Variants in ZNF737 observed in about 807,000 individuals in gnomAD.
The protein encoded by ZNF737 is zinc finger protein 737.
A neutral mutation model predicts 11.7 loss-of-function variants in ZNF737; 13 were observed. The observed-to-expected ratio is 1.11, with a 90% CI of 0.73 to 1.77. The LOEUF (loss-of-function observed/expected upper bound fraction) is 1.77, where lower values mean the gene tolerates loss of function less well. Ranked by LOEUF, ZNF737 falls within the 40% of genes most tolerant of loss-of-function variation. The pLI, the probability that ZNF737 is intolerant of heterozygous loss-of-function variation, is 0.00. For missense variants in ZNF737, 636 were observed against 638.0 expected, an observed-to-expected ratio of 1.00 and a Z score of 0.03; for synonymous variants, 217 against 216.2, an observed-to-expected ratio of 1.00 and a Z score of -0.03.
chr19:20,558,465 A>G (rs1968969769), intron 1 of ZNF737, among the ~76,000 whole-genome samples: 1 of 152,076 alleles, frequency 6.6e-6, no homozygotes, highest in Non-Finnish European at 1.5e-5. Flanking sequence ...GCTAGTCTAG[A>G]CTAAAAGCTT....
chr19:20,530,866 C>T (rs1171646133), downstream of ZNF737, among the ~76,000 whole-genome samples: 5 of 148,308 alleles, frequency 3.4e-5, no homozygotes, highest in East Asian at 8.3e-4. Context: ...CTTTGGGGGG[C>T]CAAGGCAGGC....
At position 20,541,163 on chromosome 19, in the gene ZNF737, A is replaced by G. The variant is rs1173694543; in HGVS notation, c.*3429T>C. On this transcript the variant is annotated 3_prime_UTR_variant, in exon 4 of 4. Coordinates refer to ENST00000427401, the MANE Select transcript of ZNF737 (RefSeq NM_001159293.2). ...CAGAAAGTATAGATTTGCTTTCACC[A>G]TTTTAAAAGTGTTTAGTTTTGTTAA... is the stretch of plus-strand genomic sequence containing the variant. 1 of 982,658 alleles carries G rather than the reference A, an allele frequency of 1.0e-6. No homozygotes were observed. The allele number at this position is 982,658 out of a possible 1,614,324, so 60.9% of individuals were successfully genotyped here.
chr19:20,553,806 T>A lies in ZNF737; in HGVS notation c.33A>T (p.Ile11=), dbSNP rs2144664405. 2.5e-6 allele frequency: 4 copies of A among 1,613,956 alleles called. No homozygotes were observed. In the East Asian group the frequency reaches 8.9e-5, roughly 36 times the overall value. Residue 11 remains isoleucine (I), a synonymous_variant, in exon 2 of 4, where the codon ATA becomes ATT. Coordinates refer to ENST00000427401, the MANE Select transcript of ZNF737 (RefSeq NM_001159293.2). ...AATGCCACTCCTCCAGAGAGAATTC[T>A]ATGGCCACGTCTCTAAATTGCAATG... MGPLQFRDVA[I]EFSLEEWHCL...
intron 1 of ZNF737, 34 bp downstream of exon 1, chr19:20,565,604 C>A (rs530405501): frequency 2.5e-6 from 4 of 1,614,064 alleles, no homozygotes; most frequent in Admixed American, 1.7e-5. Flanking sequence ...CCAGCCTATC[C>A]CCCTCTCTCG....
At position 20,540,203 on chromosome 19, in the gene ZNF737, C is replaced by T; in HGVS notation, c.*4389G>A. 1.0e-6 allele frequency: 1 copy of T among 976,332 alleles called. No individual in the cohort carries two copies. Among genetic ancestry groups the T allele is most frequent in the Non-Finnish European group, 1.2e-6 (1 of 821,718 alleles). The allele number at this position is 976,332 out of a possible 1,614,324, so 60.5% of individuals were successfully genotyped here. A position where few individuals can be genotyped will look rare whatever the true frequency, so the allele number is the denominator to read the frequency against. Reference sequence around the variant, plus strand: ...ACATGTTCTACCTAGAAGTCACTTACTTTCAGGCCAGCAGGGGTGTTTTTC... The same window carrying T: ...ACATGTTCTACCTAGAAGTCACTTATTTTCAGGCCAGCAGGGGTGTTTTTC... On this transcript the variant is annotated 3_prime_UTR_variant, in exon 4 of 4. Coordinates refer to ENST00000427401, the MANE Select transcript of ZNF737 (RefSeq NM_001159293.2).
Position 20,543,155 on chromosome 19 carries a change from T to G in ZNF737, c.*1437A>C. ...TTTAATATTTACTGCATCTGCAAAATTATATTTTAGCATAAACTCTCTGTT... is the reference window on the plus strand; with the variant it reads ...TTTAATATTTACTGCATCTGCAAAAGTATATTTTAGCATAAACTCTCTGTT... On this transcript the variant is annotated 3_prime_UTR_variant, in exon 4 of 4. Transcript: ENST00000427401. The G allele has an allele frequency of 1.0e-6, 1 of 965,778 alleles. No individual in the cohort carries two copies. The highest frequency in any genetic ancestry group is 1.2e-6 in the Non-Finnish European group (1 of 813,146). The allele number at this position is 965,778 out of a possible 1,614,324, so 59.8% of individuals were successfully genotyped here.
At chr19:20,563,934 G>C (rs1442916245) in intron 1 of ZNF737, 2 of 152,180 alleles carry the variant, frequency 1.3e-5, no homozygotes, top group Non-Finnish European at 2.9e-5. Context: ...GGAGGGCCGA[G>C]GCAGGTAGAT....
chr19:20,534,259 C>T (rs1186577643), downstream of ZNF737, among the ~76,000 whole-genome samples: 2 of 149,828 alleles, frequency 1.3e-5, no homozygotes, highest in African/African-American at 2.5e-5. Flanking sequence ...CTGGCCAATA[C>T]AGTGAAACCC....
chr19:20,545,179 T>G lies in ZNF737; in HGVS notation c.1024A>C (p.Lys342Gln), dbSNP rs782738090. The G allele has an allele frequency of 1.9e-6, 3 of 1,613,780 alleles. No individual in the cohort carries two copies. The highest frequency in any genetic ancestry group is 2.5e-6 in the Non-Finnish European group (3 of 1,179,982). The change falls in exon 4 of 4, where the codon AAA becomes CAA. Residue 342 changes from lysine to glutamine, a missense_variant. Physicochemically the swap from Lys to Gln is moderately conservative, Grantham distance 53. Transcript: ENST00000427401. Reference protein sequence around the residue: ...KRIHTGEKPYKCEECGRAFKY... With the variant: ...KRIHTGEKPYQCEECGRAFKY... The stretch of plus-strand genomic sequence containing the variant: ...AAGGCTCTGCCACATTCTTCACATT[T>G]GTAGGGTTTCTCTCCAGTATGAATT...
intron 1 of ZNF737, among the ~76,000 whole-genome samples, chr19:20,558,717 C>T (rs1305668557): frequency 6.6e-6 from 1 of 152,184 alleles, no homozygotes; most frequent in Non-Finnish European, 1.5e-5. Context: ...CCACTCTTAT[C>T]AGCCTAACAC....
chr19:20,548,293 A>C (rs1568429498), intron 3 of ZNF737, among the ~76,000 whole-genome samples: 1 of 152,332 alleles, frequency 6.6e-6, no homozygotes, highest in East Asian at 1.9e-4. Context: ...ATATCAAAAA[A>C]TGTAACATAT....
intron 1 of ZNF737, 79 bp from the exon 2 acceptor site, chr19:20,553,914 G>A (rs912866971): frequency 1.3e-6 from 2 of 1,532,902 alleles, no homozygotes; most frequent in African/African-American, 2.8e-5. Flanking sequence ...TCAAATGAGA[G>A]AGTAAAGACA....
At chr19:20,560,837 T>C (rs1388978942) in intron 1 of ZNF737, among the ~76,000 whole-genome samples, 1 of 152,098 alleles carries the variant, frequency 6.6e-6, no homozygotes, top group African/African-American at 2.4e-5. Flanking sequence ...ACCAAATGCA[T>C]GTTTTTATTT....
chr19:20,548,655 C>G (rs782461140), intron 3 of ZNF737, among the ~76,000 whole-genome samples: 4 of 151,860 alleles, frequency 2.6e-5, no homozygotes, highest in Non-Finnish European at 5.9e-5. Flanking sequence ...ACTCTGTCAC[C>G]CAAGCTGGAG....
At chr19:20,556,542 G>A (rs929077738) in intron 1 of ZNF737, among the ~76,000 whole-genome samples, 8 of 152,042 alleles carry the variant, frequency 5.3e-5, no homozygotes, top group African/African-American at 1.7e-4. Flanking sequence ...TCCATGAATG[G>A]GTGTTTCAAA....
Position 20,543,343 on chromosome 19 carries a change from G to A in ZNF737, c.*1249C>T, listed in dbSNP as rs781847664. 112 of 986,312 alleles carry A rather than the reference G, an allele frequency of 1.1e-4. No individual in the cohort carries two copies. The highest frequency in any genetic ancestry group is 1.1e-3 in the Middle Eastern group (3 of 2,820). The allele number at this position is 986,312 out of a possible 1,614,324, so 61.1% of individuals were successfully genotyped here. ...GTGTGCAATAAGATCTGTGATACTA[G>A]TAAATGTACTATGTAACTCCCTTTA... is the stretch of plus-strand genomic sequence containing the variant. On this transcript the variant is annotated 3_prime_UTR_variant, in exon 4 of 4. Transcript: ENST00000427401.
chr19:20,557,401 GTCTGGC>G (rs1221017048), intron 1 of ZNF737, among the ~76,000 whole-genome samples: 1 of 151,206 alleles, frequency 6.6e-6, no homozygotes, highest in African/African-American at 2.4e-5. Flanking sequence ...ACAGGTCTGG[GTCTGGC>G]TCAGGGTGAG....
In ZNF737 at chr19:20,542,672, TTAC is replaced by T. The variant is rs1968263156; in HGVS notation, c.*1917_*1919del. 36 of 983,022 alleles carry T rather than the reference TTAC, an allele frequency of 3.7e-5. No individual in the cohort carries two copies. Among genetic ancestry groups the T allele is most frequent in the Non-Finnish European group, 4.3e-5 (36 of 827,886 alleles). 60.9% of individuals were successfully genotyped at this position (983,022 alleles called of 1,614,324 possible). On this transcript the variant is annotated 3_prime_UTR_variant, in exon 4 of 4. Coordinates refer to ENST00000427401, the MANE Select transcript of ZNF737 (RefSeq NM_001159293.2). ...TTGCTCTGAACATTTACGTTATACA[TTAC>T]TTAATAGAATTTTACTACAAACAGC... is the stretch of plus-strand genomic sequence containing the variant.
chr19:20,534,486 T>TATCTATCTATC (rs1297344092), downstream of ZNF737, among the ~76,000 whole-genome samples: 1 of 147,530 alleles, frequency 6.8e-6, no homozygotes, highest in Non-Finnish European at 1.5e-5. Flanking sequence ...TCTATCTATC[T>TATCTATCTATC]ATCTACTGTC....
Sources: allele counts gnomAD v4.1 joint callset (sites outside exome capture counted in the v4.1 genomes callset), GRCh38; gene constraint gnomAD v4.1.1; transcripts MANE v1.5; gene names NCBI Gene and HGNC (gene_info 2026-07-23, HGNC 2026-07-21).